The following MMP20 variants were observed in gnomAD, a reference collection of about 807,000 sequenced individuals.
The protein encoded by MMP20 is matrix metallopeptidase 20.
MMP20 carries 50 observed loss-of-function variants against 51.8 expected under a neutral mutation model. The observed-to-expected ratio is 0.97, with a 90% CI of 0.77 to 1.22. The LOEUF is 1.22. MMP20 is among the 50% of genes most tolerant of loss of function. The pLI is 0.00. For missense variants in MMP20, 663 were observed against 601.4 expected (o/e 1.10, Z -1.07); for synonymous variants, 244 against 216.2 (o/e 1.13, Z -1.13).
intron 6 of MMP20, among the ~76,000 whole-genome samples, chr11:102,603,500 G>A (rs1859474798): frequency 6.6e-6 from 1 of 152,168 alleles, no homozygotes; most frequent in Admixed American, 6.5e-5. Flanking sequence ...TCTTGAACAA[G>A]TTGCTTATCC....
At chr11:102,620,570 G>GACAGAT (rs952476176) in intron 1 of MMP20, among the ~76,000 whole-genome samples, 1 of 152,104 alleles carries the variant, frequency 6.6e-6, no homozygotes, top group African/African-American at 2.4e-5. Flanking sequence ...TCTGGTATCT[G>GACAGAT]ACAGATAAAA....
chr11:102,588,091 A>C (rs780686219), intron 8 of MMP20, among the ~76,000 whole-genome samples: 20 of 152,006 alleles, frequency 1.3e-4, no homozygotes, highest in Non-Finnish European at 4.4e-5. Context: ...TTTCTTTTAT[A>C]ATTGTTTAAC....
chr11:102,613,203 T>C (rs1859625504), intron 2 of MMP20, among the ~76,000 whole-genome samples: 1 of 152,196 alleles, frequency 6.6e-6, no homozygotes. Context: ...TGGTGATTGT[T>C]AGAACTTTCT....
At chr11:102,581,811 T>C (rs1317026622) in intron 8 of MMP20, among the ~76,000 whole-genome samples, 2 of 152,142 alleles carry the variant, frequency 1.3e-5, no homozygotes, top group Admixed American at 1.3e-4. Context: ...CTCAGCATGA[T>C]TCCTGGCACA....
At position 102,590,419 on chromosome 11, in the gene MMP20, A is replaced by C. The variant is rs76003662; in HGVS notation, c.1247+3020T>G. On this transcript the variant is annotated intron_variant, in intron 8 of 9. Coordinates refer to ENST00000260228, the MANE Select transcript of MMP20 (RefSeq NM_004771.4). ...GTCCTCTGTGCGCTGCTCCCCTATAAGTAACTACCACACAGAGACATGGGT... is the reference window on the plus strand; with the variant it reads ...GTCCTCTGTGCGCTGCTCCCCTATACGTAACTACCACACAGAGACATGGGT... Among the ~76,000 whole-genome samples the C allele has an allele frequency of 6.1e-3, 935 of 152,292 alleles. 11 individuals carry two copies. Among genetic ancestry groups the C allele is most frequent in the African/African-American group, 0.021 (886 of 41,558 alleles).
At chr11:102,612,782 G>C (rs993508665) in intron 2 of MMP20, among the ~76,000 whole-genome samples, 2 of 144,230 alleles carry the variant, frequency 1.4e-5, no homozygotes, top group African/African-American at 5.1e-5. Flanking sequence ...TGTCGCCCAG[G>C]CTGGAGTGCA....
Position 102,611,806 on chromosome 11 carries a change from C to G in MMP20, c.472G>C (p.Val158Leu). 1 of 1,614,224 alleles carries G rather than the reference C, an allele frequency of 6.2e-7. No homozygotes were observed. The highest frequency in any genetic ancestry group is 8.5e-7 in the Non-Finnish European group (1 of 1,180,032). ...AWSSAVPLSF[V>L]RINSGEADIM... ...TCCGCTTCTCCTGAGTTTATTCTGA[C>G]AAAGCTCAGAGGGACGGCGCTACTC... The change falls in exon 3 of 10, where the codon GTC becomes CTC. Residue 158 changes from valine (V) to leucine (L), a missense_variant. Physicochemically the swap from Val to Leu is conservative, Grantham distance 32. Transcript: ENST00000260228.
Position 102,616,934 on chromosome 11 carries a change from G to T in MMP20, c.252C>A (p.Thr84=). The T allele has an allele frequency of 6.2e-7, 1 of 1,614,142 alleles. No individual in the cohort carries two copies. Among genetic ancestry groups the T allele is most frequent in the Non-Finnish European group, 8.5e-7 (1 of 1,180,020 alleles). Residue 84 remains threonine, a synonymous_variant, in exon 2 of 10, where the codon ACC becomes ACA. Coordinates refer to ENST00000260228, the MANE Select transcript of MMP20 (RefSeq NM_004771.4). ...ELQAFFGLQV[T]GKLDQTTMNV... ...TCATTGTGGTCTGGTCTAACTTCCC[G>T]GTGACTTGGAGGCCAAAGAACGCTT...
intron 3 of MMP20, among the ~76,000 whole-genome samples, chr11:102,611,534 A>G (rs1218263366): frequency 6.6e-6 from 1 of 152,164 alleles, no homozygotes; most frequent in African/African-American, 2.4e-5. Flanking sequence ...CAGTGAATCT[A>G]CTCTACAGCT....
intron 7 of MMP20, 101 bp from the exon 8 acceptor site, chr11:102,593,696 G>T: frequency 7.7e-7 from 1 of 1,303,768 alleles, no homozygotes; most frequent in Non-Finnish European, 1.1e-6. Context: ...GTTAGTTTAT[G>T]GGATACTTGC....
chr11:102,616,777 T>C, intron 2 of MMP20, 35 bp downstream of exon 2: 1 of 1,612,976 alleles, frequency 6.2e-7, no homozygotes, highest in South Asian at 1.1e-5. Flanking sequence ...GAGGTGGTGT[T>C]TTTCTCTGAA....
intron 3 of MMP20, among the ~76,000 whole-genome samples, chr11:102,610,622 T>G (rs1402296276): frequency 6.6e-6 from 1 of 152,218 alleles, no homozygotes; most frequent in Non-Finnish European, 1.5e-5. Context: ...CTTTTAAAGC[T>G]TTTTAAGTTT....
intron 2 of MMP20, among the ~76,000 whole-genome samples, chr11:102,616,574 C>A (rs1859673247): frequency 6.6e-6 from 1 of 152,098 alleles, no homozygotes; most frequent in Non-Finnish European, 1.5e-5. Flanking sequence ...TTGTTTCTAG[C>A]TGGTAAAATT....
At chr11:102,594,148 T>G (rs1247058090) in intron 7 of MMP20, among the ~76,000 whole-genome samples, 1 of 152,136 alleles carries the variant, frequency 6.6e-6, no homozygotes, top group African/African-American at 2.4e-5. Context: ...GTCACTCAAA[T>G]AGTAAAGGGC....
Position 102,594,879 on chromosome 11 carries a change from C to T in MMP20, c.954-122G>A, listed in dbSNP as rs181338221. On this transcript the variant is annotated intron_variant, in intron 6 of 9. Transcript: ENST00000260228. ...CTCACTAAATGCCCTTTGCTCTTGC[C>T]TTGCCTTGCCTTGTTTTTTTTCTCT... is the stretch of plus-strand genomic sequence containing the variant. The T allele has an allele frequency of 1.4e-4, 171 of 1,231,174 alleles. 2 individuals are homozygous for T. In the East Asian group the frequency reaches 3.7e-3, roughly 27 times the overall value. 76.3% of individuals were successfully genotyped at this position (1,231,174 alleles called of 1,614,324 possible). A position where few individuals can be genotyped will look rare whatever the true frequency, so the allele number is the denominator to read the frequency against.
intron 6 of MMP20, among the ~76,000 whole-genome samples, chr11:102,604,146 C>A (rs1235225091): frequency 1.3e-5 from 2 of 151,998 alleles, no homozygotes. Context: ...ATAAGCTACA[C>A]CCTGCATGAT....
intron 3 of MMP20, 140 bp from the exon 4 acceptor site, chr11:102,610,170 A>C: frequency 2.0e-6 from 2 of 987,240 alleles, no homozygotes; most frequent in Non-Finnish European, 3.1e-6. Flanking sequence ...TATAATGGGA[A>C]GTTCATTTGT....
rs752681494 is a variant in MMP20, at chr11:102,609,939, G to A, written c.615C>T (p.Phe205=). ...PGEGLGGDTH[F]DNAEKWTMGT... ...CCATAGTCCACTTCTCAGCATTGTC[G>A]AAATGTGTATCTCCTCCCAGGCCTT... The change falls in exon 4 of 10, where the codon TTC becomes TTT. Residue 205 remains phenylalanine (F), a synonymous_variant. Coordinates refer to ENST00000260228, the MANE Select transcript of MMP20 (RefSeq NM_004771.4). 1.4e-5 allele frequency: 23 copies of A among 1,613,944 alleles called. No individual in the cohort carries two copies. Among genetic ancestry groups the A allele is most frequent in the Admixed American group, 3.3e-5 (2 of 59,988 alleles).
chr11:102,620,035 A>G (rs1379470177), intron 1 of MMP20, among the ~76,000 whole-genome samples: 1 of 152,166 alleles, frequency 6.6e-6, no homozygotes, highest in Non-Finnish European at 1.5e-5. Context: ...TTGTTCTAGT[A>G]AAACACTTGT....
Sources: allele counts gnomAD v4.1 joint callset (sites outside exome capture counted in the v4.1 genomes callset), GRCh38; gene constraint gnomAD v4.1.1; transcripts MANE v1.5; gene names NCBI Gene and HGNC (gene_info 2026-07-23, HGNC 2026-07-21).